Variants in APBB3 observed in about 807,000 individuals in gnomAD.
The protein encoded by APBB3 is amyloid-beta A4 precursor protein-binding family B member 3.
APBB3 carries 50 observed loss-of-function variants against 61.5 expected under a neutral mutation model. That is an observed-to-expected ratio of 0.81 (90% CI 0.65 to 1.03). The LOEUF (loss-of-function observed/expected upper bound fraction) is 1.03. APBB3 is among the 50% of genes least tolerant of loss of function. The pLI is 0.00. For synonymous variants in APBB3, 235 were observed against 233.0 expected (o/e 1.01, Z -0.08); for missense variants, 550 against 637.4 (o/e 0.86, Z 1.48).
intron 7 of APBB3, 49 bp downstream of exon 7, chr5:140,561,795 G>C: frequency 4.3e-6 from 7 of 1,614,026 alleles, no homozygotes; most frequent in African/African-American, 1.3e-5. Context: ...TAGCAGGGAT[G>C]GAGTAGGGAC....
rs764760927 is a variant in APBB3, at chr5:140,563,767, T to C, written c.198A>G (p.Ala66=). 14 of 1,614,032 alleles carry C rather than the reference T, an allele frequency of 8.7e-6. No individual in the cohort carries two copies. In the South Asian group the frequency reaches 1.4e-4, roughly 16 times the overall value. ...WQRPTWELGD[A]EDPGTGTEGI... ...CTCTACCTACCGTGCCTGGGTCCTCTGCATCTCCTAGTTCCCAGGTTGGGC... is the reference window on the plus strand; with the variant it reads ...CTCTACCTACCGTGCCTGGGTCCTCCGCATCTCCTAGTTCCCAGGTTGGGC... The change falls in exon 2 of 13, where the codon GCA becomes GCG. Residue 66 remains alanine, a synonymous_variant. Coordinates refer to ENST00000357560, the MANE Select transcript of APBB3 (RefSeq NM_133173.3).
rs750287930 is a variant in APBB3, at chr5:140,562,008, G to T, written c.626+92C>A. Reference sequence around the variant, plus strand: ...CACATCAGAGGATCTGTGTCCAGGGGTTCAAGTACTGGGGATCAGCATCAG... The same window carrying T: ...CACATCAGAGGATCTGTGTCCAGGGTTTCAAGTACTGGGGATCAGCATCAG... On this transcript the variant is annotated intron_variant, in intron 6 of 12. Transcript: ENST00000357560. 9 of 1,612,696 alleles carry T rather than the reference G, an allele frequency of 5.6e-6. No individual in the cohort carries two copies. The South Asian group carries it at 9.9e-5, about 18-fold the overall frequency.
Position 140,564,219 on chromosome 5 carries a change from GGCCA to G in APBB3, c.23_26del (p.Leu8ProfsTer55), listed in dbSNP as rs748372381. 1 of 1,613,592 alleles carries G rather than the reference GGCCA, an allele frequency of 6.2e-7. No homozygotes were observed. Among genetic ancestry groups the G allele is most frequent in the South Asian group, 1.1e-5 (1 of 91,082 alleles). On this transcript the variant is annotated frameshift_variant, in exon 1 of 13. Coordinates refer to ENST00000357560, the MANE Select transcript of APBB3 (RefSeq NM_133173.3). LOFTEE classifies it high-confidence loss of function. This position sits in a 1 kb window ranked among gnomAD's most constrained non-coding sequence, Gnocchi z 5.0. Reference sequence around the variant, plus strand: ...CACCATCGCAGTTGACCAGAATGATGGCCAGCATGTAATCCTTGCCCAGCATAAC... The same window carrying G: ...CACCATCGCAGTTGACCAGAATGATGGCATGTAATCCTTGCCCAGCATAAC...
chr5:140,560,925 G>T lies in APBB3; in HGVS notation c.916+93C>A, dbSNP rs575551008. On this transcript the variant is annotated intron_variant, in intron 10 of 12. Coordinates refer to ENST00000357560, the MANE Select transcript of APBB3 (RefSeq NM_133173.3). The surrounding 1 kb of genome is among the most constrained non-coding windows in gnomAD (Gnocchi z 5.1). ...AGACCCCAGGCCATAACAAGGCCAC[G>T]GGAGGACTCTTGAGAAATGATAACA... is the stretch of plus-strand genomic sequence containing the variant. The T allele has an allele frequency of 6.8e-7, 1 of 1,473,452 alleles. No individual in the cohort carries two copies. The highest frequency in any genetic ancestry group is 9.3e-7 in the Non-Finnish European group (1 of 1,071,274). 91.3% of individuals were successfully genotyped at this position (1,473,452 alleles called of 1,614,324 possible). A position where few individuals can be genotyped will look rare whatever the true frequency, so the allele number is the denominator to read the frequency against.
At position 140,558,503 on chromosome 5, in the gene APBB3, C is replaced by A; in HGVS notation, c.*82G>T. On this transcript the variant is annotated 3_prime_UTR_variant, in exon 13 of 13. Coordinates refer to ENST00000357560, the MANE Select transcript of APBB3 (RefSeq NM_133173.3). ...AGGCAGAGAAGGCTTCAAGGAGTGA[C>A]AGGCTATAGGCCTTGAGGAATAAAA... The A allele has an allele frequency of 7.5e-7, 1 of 1,329,132 alleles. No individual in the cohort carries two copies. Among genetic ancestry groups the A allele is most frequent in the South Asian group, 1.2e-5 (1 of 84,506 alleles). The allele number at this position is 1,329,132 out of a possible 1,614,324, so 82.3% of individuals were successfully genotyped here.
chr5:140,562,304 C>T (rs1489303405), intron 5 of APBB3, 49 bp downstream of exon 5: 1 of 1,611,484 alleles, frequency 6.2e-7, no homozygotes, highest in Non-Finnish European at 8.5e-7. Context: ...GGGACAGCTA[C>T]CTCTGCTGGG....
Position 140,558,614 on chromosome 5 carries a change from G to C in APBB3, c.1432C>G (p.Leu478Val). The C allele has an allele frequency of 6.2e-7, 1 of 1,614,188 alleles. No individual in the cohort carries two copies. Among genetic ancestry groups the C allele is most frequent in the Non-Finnish European group, 8.5e-7 (1 of 1,180,026 alleles). The change falls in exon 13 of 13, where the codon CTG (leucine) becomes GTG (valine). Residue 478 changes from leucine (L) to valine (V), a missense_variant. Around this residue, in one of 3 missense-constraint regions of APBB3, gnomAD observed 138 missense variants for 132.6 expected, o/e 1.04. Transcript: ENST00000357560. ...GGCATATGGAGCAGAGAGGGTTTCA[G>C]CCGGAAGGCATCAAGAAAAGAGAAG... Reference protein sequence around the residue: ...GVFSFLDAFRLKPSLLHMP With the variant: ...GVFSFLDAFRVKPSLLHMP
rs1353136507 is a variant in APBB3, at chr5:140,564,402, G to T, written c.-157C>A. 9.2e-6 allele frequency: 8 copies of T among 868,672 alleles called. No homozygotes were observed. The highest frequency in any genetic ancestry group is 1.4e-5 in the Non-Finnish European group (8 of 568,418). The allele number at this position is 868,672 out of a possible 1,614,324, so 53.8% of individuals were successfully genotyped here. A position where few individuals can be genotyped will look rare whatever the true frequency, so the allele number is the denominator to read the frequency against. ...CGGGGCGGGACACGGGGCGGGACAC[G>T]GGCCGGTCCCGGGGGAGGGCCTGAG... On this transcript the variant is annotated 5_prime_UTR_variant, in exon 1 of 13. Coordinates refer to ENST00000357560, the MANE Select transcript of APBB3 (RefSeq NM_133173.3). This position sits in a 1 kb window ranked among gnomAD's most constrained non-coding sequence, Gnocchi z 5.0.
chr5:140,558,563 TC>T lies in APBB3; in HGVS notation c.*21del. The T allele has an allele frequency of 6.2e-7, 1 of 1,610,864 alleles. No individual in the cohort carries two copies. The highest frequency in any genetic ancestry group is 8.5e-7 in the Non-Finnish European group (1 of 1,177,030). The stretch of plus-strand genomic sequence containing the variant: ...GTTAGGCATGGACCCAGAGCCTACT[TC>T]CCCAGCCTTCCCAGATAAGTTTAGG... On this transcript the variant is annotated 3_prime_UTR_variant, in exon 13 of 13. Coordinates refer to ENST00000357560, the MANE Select transcript of APBB3 (RefSeq NM_133173.3).
In APBB3 at chr5:140,562,724, C is replaced by G; in HGVS notation, c.291-1G>C. 6.2e-7 allele frequency: 1 copy of G among 1,614,214 alleles called. No homozygotes were observed. The highest frequency in any genetic ancestry group is 8.5e-7 in the Non-Finnish European group (1 of 1,180,030). On this transcript the variant is annotated splice_acceptor_variant, in intron 3 of 12. Coordinates refer to ENST00000357560, the MANE Select transcript of APBB3 (RefSeq NM_133173.3). LOFTEE classifies it high-confidence loss of function. Reference sequence around the variant, plus strand: ...CCCACCATACCAGGACAGAGAGTTACTGAAACAGAGCAGAGCTGTTAAGAG... The same window carrying G: ...CCCACCATACCAGGACAGAGAGTTAGTGAAACAGAGCAGAGCTGTTAAGAG...
In APBB3 at chr5:140,560,439, A is replaced by G. The variant is rs1161025745; in HGVS notation, c.1098T>C (p.Gly366=). ...CAAAGGTGTGTGGGTCGCGGCCAACACCAATAAATGTCACAAGGCGCACAG... is the reference window on the plus strand; with the variant it reads ...CAAAGGTGTGTGGGTCGCGGCCAACGCCAATAAATGTCACAAGGCGCACAG... ...QCPVRLVTFI[G]VGRDPHTFGL... Residue 366 remains glycine (G), a synonymous_variant, in exon 12 of 13, where the codon GGT becomes GGC. Coordinates refer to ENST00000357560, the MANE Select transcript of APBB3 (RefSeq NM_133173.3). The surrounding 1 kb of genome is among the most constrained non-coding windows in gnomAD (Gnocchi z 5.1). The G allele has an allele frequency of 6.2e-7, 1 of 1,614,054 alleles. No individual in the cohort carries two copies. Among genetic ancestry groups the G allele is most frequent in the South Asian group, 1.1e-5 (1 of 91,086 alleles).
chr5:140,560,261 T>C lies in APBB3; in HGVS notation c.1224+52A>G. 1 of 1,581,788 alleles carries C rather than the reference T, an allele frequency of 6.3e-7. No homozygotes were observed. The highest frequency in any genetic ancestry group is 1.1e-5 in the South Asian group (1 of 88,280). On this transcript the variant is annotated intron_variant, in intron 12 of 12. Coordinates refer to ENST00000357560, the MANE Select transcript of APBB3 (RefSeq NM_133173.3). This position sits in a 1 kb window ranked among gnomAD's most constrained non-coding sequence, Gnocchi z 5.1. ...GCCGACCCGGAGCCCAAGTAAACAG[T>C]GGAGAGCAGCTGCAGGGCAATCCCA...
In APBB3 at chr5:140,562,374, A is replaced by G; in HGVS notation, c.477T>C (p.Pro159=). ...TCACCTCACCCCAGGCACCATCTGG[A>G]GGCTGGCTCCGGCTGCGGGTCTGGG... is the stretch of plus-strand genomic sequence containing the variant. ...QLAQTRSRSQ[P]PDGAWGEGQN... is the part of the protein sequence containing the mutation. The change falls in exon 5 of 13, where the codon CCT becomes CCC. Residue 159 remains proline, a synonymous_variant. Transcript: ENST00000357560. 1 of 1,614,112 alleles carries G rather than the reference A, an allele frequency of 6.2e-7. No individual in the cohort carries two copies. The highest frequency in any genetic ancestry group is 1.6e-4 in the Middle Eastern group (1 of 6,062).
At position 140,564,592 on chromosome 5, in the gene APBB3, A is replaced by T. The variant is rs1331877065; in HGVS notation, c.-347T>A. 4.2e-6 allele frequency: 2 copies of T among 471,872 alleles called. No homozygotes were observed. The highest frequency in any genetic ancestry group is 6.6e-5 in the East Asian group (2 of 30,226). The allele number at this position is 471,872 out of a possible 1,614,324, so 29.2% of individuals were successfully genotyped here. ...CAGGCGCCTGAAGACCGACACGCCGAACATGCGCCGCGCGCACTCGCGCAC... is the reference window on the plus strand; with the variant it reads ...CAGGCGCCTGAAGACCGACACGCCGTACATGCGCCGCGCGCACTCGCGCAC... On this transcript the variant is annotated 5_prime_UTR_variant, in exon 1 of 13. Transcript: ENST00000357560. This position sits in a 1 kb window ranked among gnomAD's most constrained non-coding sequence, Gnocchi z 5.0.
chr5:140,560,478 T>C lies in APBB3; in HGVS notation c.1059A>G (p.Pro353=), dbSNP rs777356971. 8 of 1,613,870 alleles carry C rather than the reference T, an allele frequency of 5.0e-6. 1 individual carries two copies. The South Asian group carries it at 7.7e-5, about 16-fold the overall frequency. ...IQAEASTEEE[P]LWQCPVRLVT... ...CAAGGCGCACAGGGCACTGCCACAA[T>C]GGCTCCTCCTCTGTACTGGCCTCTG... The change falls in exon 12 of 13, where the codon CCA becomes CCG. Residue 353 remains proline, a synonymous_variant. Transcript: ENST00000357560. This position sits in a 1 kb window ranked among gnomAD's most constrained non-coding sequence, Gnocchi z 5.1.
Position 140,563,592 on chromosome 5 carries a change from A to C in APBB3, c.290+2T>G. ...TTTCATTTTGCCTGGGCCACCCGTT[A>C]CCTCCGGTCCAGTGAACTCTCCAGG... On this transcript the variant is annotated splice_donor_variant, in intron 3 of 12. Transcript: ENST00000357560. LOFTEE classifies it high-confidence loss of function. The C allele has an allele frequency of 6.2e-7, 1 of 1,613,988 alleles. No individual in the cohort carries two copies. Among genetic ancestry groups the C allele is most frequent in the Non-Finnish European group, 8.5e-7 (1 of 1,180,000 alleles).
chr5:140,562,338 G>A lies in APBB3; in HGVS notation c.498+15C>T, dbSNP rs1304181189. ...GGCCCTGGGCCCAAACCATTAAAGG[G>A]CCCAGCCAACTCACCTCACCCCAGG... On this transcript the variant is annotated intron_variant, in intron 5 of 12. Coordinates refer to ENST00000357560, the MANE Select transcript of APBB3 (RefSeq NM_133173.3). 39 of 1,613,338 alleles carry A rather than the reference G, an allele frequency of 2.4e-5. No individual in the cohort carries two copies. The highest frequency in any genetic ancestry group is 3.1e-5 in the Non-Finnish European group (36 of 1,179,678).
Position 140,558,775 on chromosome 5 carries a change from G to A in APBB3, c.1271C>T (p.Ala424Val), listed in dbSNP as rs1754817851. 4 of 1,610,418 alleles carry A rather than the reference G, an allele frequency of 2.5e-6. No homozygotes were observed. The Admixed American group carries it at 5.1e-5, about 20-fold the overall frequency. ...CLVASAARGKAWGAQARARLR... is the reference protein window; with the variant it reads ...CLVASAARGKVWGAQARARLR... Reference sequence around the variant, plus strand: ...GCGGGCACGGGCCTGGGCACCCCAGGCCTTGCCTCGAGCTGCAGAGGCCAC... The same window carrying A: ...GCGGGCACGGGCCTGGGCACCCCAGACCTTGCCTCGAGCTGCAGAGGCCAC... Residue 424 changes from alanine to valine, a missense_variant, in exon 13 of 13, where the codon GCC (alanine) becomes GTC (valine). Ala to Val is a moderately conservative substitution (Grantham distance 64, BLOSUM62 0). Around this residue, in one of 3 missense-constraint regions of APBB3, gnomAD observed 138 missense variants for 132.6 expected, o/e 1.04. Transcript: ENST00000357560.
rs1251332441 is a variant in APBB3, at chr5:140,559,089, G to A, written c.1225-268C>T. On this transcript the variant is annotated intron_variant, in intron 12 of 12. Coordinates refer to ENST00000357560, the MANE Select transcript of APBB3 (RefSeq NM_133173.3). The stretch of plus-strand genomic sequence containing the variant: ...GGGTTATTATCCCTGTTTTGCAAAA[G>A]AGGAAATTGAGATTCAGAGAGTATA... Among the ~76,000 whole-genome samples, 8 of 152,170 alleles carry A rather than the reference G, an allele frequency of 5.3e-5. No individual in the cohort carries two copies. In the East Asian group the frequency reaches 1.5e-3, roughly 29 times the overall value.
Sources: gnomAD v4.1 joint callset for allele counts (sites outside exome capture counted in the v4.1 genomes callset) on GRCh38, gnomAD v4.1.1 for gene constraint, gnomAD v4.1.1 regional missense constraint, Gnocchi (gnomAD v3.1) non-coding constraint, MANE v1.5 for transcripts, NCBI Gene and HGNC (gene_info 2026-07-23, HGNC 2026-07-21) for gene names.